The following HERC2 variants were observed in gnomAD, a reference collection of about 807,000 sequenced individuals.
HERC2 encodes E3 ubiquitin-protein ligase HERC2.
In HERC2, 102 loss-of-function variants were observed where a neutral mutation model predicts 537.7. That is an observed-to-expected ratio of 0.19 (90% CI 0.16 to 0.22). The LOEUF (loss-of-function observed/expected upper bound fraction) is 0.22. HERC2 is among the 10% of genes least tolerant of loss of function. The pLI is 1.00. For missense variants in HERC2, 4,236 were observed against 6,198.2 expected (o/e 0.68, Z 10.63); for synonymous variants, 2,224 against 2,466.2 (o/e 0.90, Z 2.91).
rs748935454 is a variant in HERC2 at position 28,201,523 on chromosome 15, G to C, written c.7649C>G (p.Thr2550Arg). 6.2e-7 allele frequency: 1 copy of C among 1,613,068 alleles called. No homozygotes were observed. The highest frequency in any genetic ancestry group is 1.3e-5 in the African/African-American group (1 of 74,870). ...CAAGAAATCAGCTCGTTTTTTGTAC[G>C]TCTGGCTCTCCGTCACAACAGCACC... Reference protein sequence around the residue: ...STGAVVTESQTYKKRADFLSN... With the variant: ...STGAVVTESQRYKKRADFLSN... Residue 2550 changes from threonine (T) to arginine (R), a missense_variant, in exon 48 of 93, where the codon ACG becomes AGG. Thr to Arg is a moderately conservative substitution (Grantham distance 71). Coordinates refer to ENST00000261609, the MANE Select transcript of HERC2 (RefSeq NM_004667.6).
chr15:28,317,061 T>C (rs2077107392), intron 2 of HERC2, among the ~76,000 whole-genome samples: 1 of 152,244 alleles, frequency 6.6e-6, no homozygotes, highest in Non-Finnish European at 1.5e-5. Context: ...CCCAGCCATG[T>C]AGCCATCTAC....
chr15:28,136,627 GC>G (rs147470408), intron 78 of HERC2, among the ~76,000 whole-genome samples: 11,533 of 152,234 alleles, frequency 0.076, 1,509 homozygotes, highest in African/African-American at 0.27. Context: ...ACAGGAGTTG[GC>G]AAATTATGGC....
At chr15:28,249,867 G>C (rs1309619622) in intron 20 of HERC2, among the ~76,000 whole-genome samples, 1 of 150,870 alleles carries the variant, frequency 6.6e-6, no homozygotes, top group Non-Finnish European at 1.5e-5. Flanking sequence ...TGTAAACCCA[G>C]GATGGTCTCG....
In HERC2 at chr15:28,141,450, A is replaced by T. The variant is rs745983405; in HGVS notation, c.11997T>A (p.Ala3999=). Residue 3999 remains alanine (A), a synonymous_variant, in exon 78 of 93, where the codon GCT becomes GCA. Coordinates refer to ENST00000261609, the MANE Select transcript of HERC2 (RefSeq NM_004667.6). The part of the protein sequence containing the change: ...QLIGGEQTLF[A]VTADGKLYAT... ...CTCTTACCTTCCCATCAGCCGTCAC[A>T]GCAAAGAGGGTCTGTTCCCCTCCGA... The T allele has an allele frequency of 1.2e-6, 2 of 1,614,166 alleles. No homozygotes were observed. The highest frequency in any genetic ancestry group is 4.5e-5 in the East Asian group (2 of 44,880).
chr15:28,262,450 C>A (rs2075439880), intron 15 of HERC2, among the ~76,000 whole-genome samples: 1 of 152,202 alleles, frequency 6.6e-6, no homozygotes, highest in South Asian at 2.1e-4. Flanking sequence ...ATGCTGGACA[C>A]CTTTGCAACT....
intron 4 of HERC2, among the ~76,000 whole-genome samples, chr15:28,292,269 G>C (rs1034548014): frequency 7.0e-5 from 10 of 142,574 alleles, no homozygotes; most frequent in Admixed American, 7.1e-5. Context: ...CAAAGTATTT[G>C]AATAGACATT....
intron 2 of HERC2, among the ~76,000 whole-genome samples, chr15:28,311,864 A>C (rs2076954701): frequency 6.6e-6 from 1 of 152,012 alleles, no homozygotes; most frequent in African/African-American, 2.4e-5. Flanking sequence ...AGTGTTACAG[A>C]GGTACCATTT....
At chr15:28,212,639 G>A (rs1260661124) in intron 42 of HERC2, 56 bp from the exon 43 acceptor site, 17 of 1,576,344 alleles carry the variant, frequency 1.1e-5, no homozygotes, top group East Asian at 2.2e-5. Flanking sequence ...CAAATGAAAC[G>A]TTCTGAAAGT....
intron 23 of HERC2, among the ~76,000 whole-genome samples, chr15:28,245,654 C>CAT (rs763921118): frequency 4.1e-4 from 61 of 149,972 alleles, no homozygotes; most frequent in African/African-American, 1.2e-3. Flanking sequence ...TATACACACT[C>CAT]ATATATACAC....
In HERC2 at chr15:28,278,528, T is replaced by A. The variant is rs145124534; in HGVS notation, c.542+1540A>T. 3.6e-3 allele frequency among the ~76,000 whole-genome samples: 542 copies of A among 152,252 alleles called. 6 individuals are homozygous for A. The highest frequency in any genetic ancestry group is 0.012 in the African/African-American group (516 of 41,528). The stretch of plus-strand genomic sequence containing the variant: ...ATTGCTTTTCTTCCAATATTTTCGA[T>A]CCATAGTTGGTTGAATCTGTGGATG... On this transcript the variant is annotated intron_variant, in intron 5 of 92. Transcript: ENST00000261609.
intron 35 of HERC2, among the ~76,000 whole-genome samples, chr15:28,224,068 C>T (rs1198309494): frequency 6.6e-6 from 1 of 151,210 alleles, no homozygotes; most frequent in Non-Finnish European, 1.5e-5. Flanking sequence ...TTATTATTTT[C>T]AGCTGTAATA....
At chr15:28,203,790 T>C (rs1251680159) in intron 45 of HERC2, 3 of 151,898 alleles carry the variant, frequency 2.0e-5, no homozygotes, top group African/African-American at 7.3e-5. Context: ...CCCGCAAATC[T>C]ACAGCTGAAT....
intron 81 of HERC2, among the ~76,000 whole-genome samples, chr15:28,131,868 A>T (rs1447828644): frequency 6.6e-6 from 1 of 152,194 alleles, no homozygotes; most frequent in East Asian, 1.9e-4. Context: ...TTCTCAAGAG[A>T]ACGCACACAG....
intron 2 of HERC2, among the ~76,000 whole-genome samples, chr15:28,301,790 A>T: frequency 1.3e-5 from 1 of 78,780 alleles, no homozygotes. Flanking sequence ...TGGGTTATAT[A>T]TTCTATCTAA....
intron 3 of HERC2, among the ~76,000 whole-genome samples, chr15:28,296,879 G>T (rs1316474302): frequency 6.6e-6 from 1 of 151,830 alleles, no homozygotes; most frequent in Non-Finnish European, 1.5e-5. Context: ...CAACACAATT[G>T]TCCTTAGTCC....
intron 34 of HERC2, 146 bp from the exon 35 acceptor site, chr15:28,228,555 C>A: frequency 1.3e-6 from 1 of 786,040 alleles, no homozygotes; most frequent in Non-Finnish European, 2.1e-6. Context: ...ATAAACGTAA[C>A]GCAGAAAGCA....
intron 4 of HERC2, among the ~76,000 whole-genome samples, chr15:28,285,396 G>A (rs1379724930): frequency 6.6e-6 from 1 of 152,064 alleles, no homozygotes; most frequent in Non-Finnish European, 1.5e-5. Context: ...AACAATTACA[G>A]GAAAATTGCC....
Position 28,113,211 on chromosome 15 carries a change from C to A in HERC2, c.14092G>T (p.Ala4698Ser). Reference sequence around the variant, plus strand: ...TCCCAGAACCACTGGATCAGCGATGCGGAAGGCTCGATGCCTTTATAGGTG... The same window carrying A: ...TCCCAGAACCACTGGATCAGCGATGAGGAAGGCTCGATGCCTTTATAGGTG... ...VATYKGIEPSASLIQWFWEVM... is the reference protein window; with the variant it reads ...VATYKGIEPSSSLIQWFWEVM... The change falls in exon 92 of 93, where the codon GCA becomes TCA. Residue 4698 changes from alanine to serine, a missense_variant. Physicochemically the swap from Ala to Ser is moderately conservative, Grantham distance 99. Transcript: ENST00000261609. This position sits in a 1 kb window ranked among gnomAD's most constrained non-coding sequence, Gnocchi z 7.0. The A allele has an allele frequency of 6.2e-7, 1 of 1,614,140 alleles. No individual in the cohort carries two copies.
chr15:28,177,855 AAT>A lies in HERC2; in HGVS notation c.9164-348_9164-347del, dbSNP rs1218973852. 2.6e-5 allele frequency among the ~76,000 whole-genome samples: 4 copies of A among 152,234 alleles called. No homozygotes were observed. Among genetic ancestry groups the A allele is most frequent in the African/African-American group, 7.2e-5 (3 of 41,468 alleles). ...AATTTGTGATTAGACAAAATGTAAA[AAT>A]AGTGTCAATTTAAGTTTTTGAGAAC... On this transcript the variant is annotated intron_variant, in intron 59 of 92. Transcript: ENST00000261609. The surrounding 1 kb of genome is among the most constrained non-coding windows in gnomAD (Gnocchi z 5.0).
Sources: gnomAD v4.1 joint callset for allele counts (sites outside exome capture counted in the v4.1 genomes callset) on GRCh38, gnomAD v4.1.1 for gene constraint, Gnocchi (gnomAD v3.1) non-coding constraint, MANE v1.5 for transcripts, NCBI Gene and HGNC (gene_info 2026-07-23, HGNC 2026-07-21) for gene names.